TCF20: variants seen among roughly 807,000 people sequenced by gnomAD.
The protein encoded by TCF20 is transcription factor 20, also known as SPRE-binding protein.
Under a neutral mutation model 148.6 loss-of-function variants are expected in TCF20, and 3 were observed. The observed-to-expected ratio is 0.02, with a 90% CI of 0.01 to 0.05. The LOEUF is 0.05. Ranked by LOEUF, TCF20 falls within the 10% of genes least tolerant of loss-of-function variation. TCF20 has a pLI of 1.00. For missense variants in TCF20, 2,350 were observed against 2,429.3 expected (o/e 0.97, Z 0.69); for synonymous variants, 1,049 against 909.5 (o/e 1.15, Z -2.76).
rs189052267 is a variant in TCF20 at position 42,338,580 on chromosome 22, C to T, written c.-37+4899G>A. Reference sequence around the variant, plus strand: ...CCCGGGAGGGAGGCGGGGAGGCTGGCGAGAGGCTTAATGAAACTGCTAACG... The same window carrying T: ...CCCGGGAGGGAGGCGGGGAGGCTGGTGAGAGGCTTAATGAAACTGCTAACG... On this transcript the variant is annotated intron_variant, in intron 1 of 1. Transcript: ENST00000515426. This position sits in a 1 kb window ranked among gnomAD's most constrained non-coding sequence, Gnocchi z 4.0. Among the ~76,000 whole-genome samples the T allele has an allele frequency of 2.4e-3, 363 of 152,276 alleles. 1 individual carries two copies. The highest frequency in any genetic ancestry group is 8.5e-3 in the African/African-American group (353 of 41,562).
chr22:42,273,308 T>G (rs1926689428), upstream of TCF20, among the ~76,000 whole-genome samples: 1 of 134,272 alleles, frequency 7.4e-6, no homozygotes, highest in Non-Finnish European at 1.5e-5. Flanking sequence ...TGCAGTTAGC[T>G]GAGATTGTGC....
At chr22:42,277,625 A>G (rs1042417817) in intron 1 of TCF20, among the ~76,000 whole-genome samples, 34 of 152,370 alleles carry the variant, frequency 2.2e-4, no homozygotes, top group African/African-American at 7.0e-4. Context: ...AAGTGAAATG[A>G]GAAAGCTGGA....
chr22:42,201,405 C>A (rs1938005367), intron 2 of TCF20, among the ~76,000 whole-genome samples: 1 of 152,158 alleles, frequency 6.6e-6, no homozygotes, highest in Non-Finnish European at 1.5e-5. Context: ...TGTGGATACA[C>A]CACACAAACT....
chr22:42,292,832 C>G lies in TCF20; in HGVS notation c.-37+50647G>C, dbSNP rs568714811. On this transcript the variant is annotated intron_variant, in intron 1 of 1. Coordinates refer to the TCF20 transcript ENST00000515426. The surrounding 1 kb of genome is among the most constrained non-coding windows in gnomAD (Gnocchi z 4.9). ...GGCCCAGGAGAATCTACTGAATGACCGGGTCTCAGCTTGAGCGGCACAGAC... is the reference window on the plus strand; with the variant it reads ...GGCCCAGGAGAATCTACTGAATGACGGGGTCTCAGCTTGAGCGGCACAGAC... Among the ~76,000 whole-genome samples, 48 of 151,210 alleles carry G rather than the reference C, an allele frequency of 3.2e-4. No individual in the cohort carries two copies. Among genetic ancestry groups the G allele is most frequent in the African/African-American group, 1.2e-3 (48 of 41,136 alleles).
At chr22:42,197,618 G>A (rs117965774) in intron 2 of TCF20, among the ~76,000 whole-genome samples, 1,814 of 152,248 alleles carry the variant, frequency 0.012, 13 homozygotes, top group Non-Finnish European at 0.018. Flanking sequence ...CACCGTGCCC[G>A]GCTGGGATGA....
chr22:42,231,928 C>CAAA (rs55642530), intron 1 of TCF20, among the ~76,000 whole-genome samples: 9 of 123,270 alleles, frequency 7.3e-5, no homozygotes, highest in African/African-American at 1.9e-4. Flanking sequence ...GACTCCGTCT[C>CAAA]AAAAAAAAAA....
chr22:42,232,017 T>C (rs1923464132), intron 1 of TCF20, among the ~76,000 whole-genome samples: 1 of 152,176 alleles, frequency 6.6e-6, no homozygotes, highest in Admixed American at 6.5e-5. Flanking sequence ...GTAGTCCAAA[T>C]GTACAGTGTT....
At chr22:42,289,537 G>C (rs1927095333) in intron 1 of TCF20, among the ~76,000 whole-genome samples, 2 of 152,208 alleles carry the variant, frequency 1.3e-5, no homozygotes, top group South Asian at 2.1e-4. Context: ...GGCAAGGTAG[G>C]AATGATGCAT....
At chr22:42,272,217 A>G (rs2147006359), upstream of TCF20, among the ~76,000 whole-genome samples, 1 of 152,296 alleles carries the variant, frequency 6.6e-6, no homozygotes, top group South Asian at 2.1e-4. Flanking sequence ...TTCATTTTCA[A>G]ATTCTCAGGC....
chr22:42,248,544 A>G (rs1925106729), intron 1 of TCF20, among the ~76,000 whole-genome samples: 1 of 152,248 alleles, frequency 6.6e-6, no homozygotes, highest in Non-Finnish European at 1.5e-5. Context: ...AAATATACAT[A>G]GAAATTATTT....
rs371835218 is a variant in TCF20, at chr22:42,338,751, G to C, written c.-37+4728C>G. Among the ~76,000 whole-genome samples, 1 of 152,190 alleles carries C rather than the reference G, an allele frequency of 6.6e-6. No individual in the cohort carries two copies. Among genetic ancestry groups the C allele is most frequent in the Non-Finnish European group, 1.5e-5 (1 of 68,034 alleles). On this transcript the variant is annotated intron_variant, in intron 1 of 1. Coordinates refer to the TCF20 transcript ENST00000515426. This position sits in a 1 kb window ranked among gnomAD's most constrained non-coding sequence, Gnocchi z 4.0. ...CTCTTCATCATCTGCCTCTCAACAC[G>C]TGACTTTCAAAGGGCAATCTTAATA...
rs373214954 is a variant in TCF20 at position 42,209,931 on chromosome 22, G to A, written c.5375C>T (p.Ser1792Leu). 16 of 1,614,132 alleles carry A rather than the reference G, an allele frequency of 9.9e-6. 1 individual carries two copies. The highest frequency in any genetic ancestry group is 9.9e-5 in the South Asian group (9 of 91,084). ...AHPRFKRRHR[S>L]EDCGGGPRSL... The stretch of plus-strand genomic sequence containing the variant: ...CCGAGGGCCTCCACCACAGTCTTCC[G>A]AGCGGTGGCGCCGCTTAAACCTGGG... Residue 1792 changes from serine (S) to leucine (L), a missense_variant, in exon 2 of 6, where the codon TCG (serine) becomes TTG (leucine). Transcript: ENST00000677622.
chr22:42,202,006 A>C (rs945456143), intron 2 of TCF20, among the ~76,000 whole-genome samples: 12 of 152,082 alleles, frequency 7.9e-5, no homozygotes, highest in African/African-American at 2.9e-4. Flanking sequence ...TTAATACTGC[A>C]CCTGAAATAC....
At chr22:42,265,219 A>C (rs1200981305) in intron 1 of TCF20, among the ~76,000 whole-genome samples, 1 of 152,252 alleles carries the variant, frequency 6.6e-6, no homozygotes, top group Non-Finnish European at 1.5e-5. Context: ...AGGACTTTCA[A>C]CAGCCTAACC....
intron 1 of TCF20, among the ~76,000 whole-genome samples, chr22:42,239,779 C>T (rs563439590): frequency 6.6e-5 from 10 of 152,040 alleles, no homozygotes; most frequent in Non-Finnish European, 1.5e-4. Context: ...GGAGACAGAG[C>T]GAGACTCCGA....
intron 1 of TCF20, among the ~76,000 whole-genome samples, chr22:42,241,706 G>C (rs2147312189): frequency 6.6e-6 from 1 of 152,060 alleles, no homozygotes; most frequent in African/African-American, 2.4e-5. Context: ...ACACACCTGT[G>C]GTCCCAGCTA....
intron 1 of TCF20, among the ~76,000 whole-genome samples, chr22:42,313,560 A>T (rs1464878574): frequency 1.3e-5 from 2 of 150,186 alleles, no homozygotes; most frequent in Non-Finnish European, 2.9e-5. Flanking sequence ...TGTCCCCAAG[A>T]CACCTGAGGC....
chr22:42,169,806 G>A (rs562297743), intron 4 of TCF20, 41 bp downstream of exon 4: 12 of 1,609,282 alleles, frequency 7.5e-6, no homozygotes, highest in African/African-American at 4.0e-5. Flanking sequence ...AGCCACCCTC[G>A]ATCCCATCCC....
At position 42,338,203 on chromosome 22, in the gene TCF20, A is replaced by G. The variant is rs1928099771; in HGVS notation, c.-37+5276T>C. Among the ~76,000 whole-genome samples, 2 of 152,224 alleles carry G rather than the reference A, an allele frequency of 1.3e-5. No homozygotes were observed. The highest frequency in any genetic ancestry group is 2.9e-5 in the Non-Finnish European group (2 of 68,044). On this transcript the variant is annotated intron_variant, in intron 1 of 1. Transcript: ENST00000515426. The surrounding 1 kb of genome is among the most constrained non-coding windows in gnomAD (Gnocchi z 4.0). The stretch of plus-strand genomic sequence containing the variant: ...ATGTTCACGGTTCTGCAGCATGAGA[A>G]ATCCCCTCGCAGCTGGGTCCCCAGT...
Sources: allele counts gnomAD v4.1 joint callset (sites outside exome capture counted in the v4.1 genomes callset), GRCh38; gene constraint gnomAD v4.1.1; non-coding constraint Gnocchi (gnomAD v3.1); transcripts MANE v1.5; gene names NCBI Gene and HGNC (gene_info 2026-07-23, HGNC 2026-07-21).